SGCZ: variants seen among roughly 807,000 people sequenced by gnomAD.
SGCZ encodes the protein zeta-sarcoglycan.
In SGCZ, 40 loss-of-function variants were observed where a neutral mutation model predicts 41.3. That is an observed-to-expected ratio of 0.97 (90% CI 0.75 to 1.26). The LOEUF (loss-of-function observed/expected upper bound fraction) is 1.26. Among genes scored for constraint, SGCZ ranks in the 50% most tolerant of loss-of-function variants. The pLI, the probability that SGCZ is intolerant of heterozygous loss-of-function variation, is 0.00. For synonymous variants in SGCZ, 206 were observed against 137.5 expected, an observed-to-expected ratio of 1.50 and a Z score of -3.49; for missense variants, 552 against 369.8, an observed-to-expected ratio of 1.49 and a Z score of -4.04.
At chr8:14,180,325 C>T (rs10441664) in intron 4 of SGCZ, among the ~76,000 whole-genome samples, 35,813 of 152,028 alleles carry the variant, frequency 0.24, 5,995 homozygotes, top group African/African-American at 0.47. Flanking sequence ...ACTAGTCCTT[C>T]AAGCACTGCA....
At chr8:14,274,827 T>C (rs972690776) in intron 3 of SGCZ, among the ~76,000 whole-genome samples, 3 of 151,972 alleles carry the variant, frequency 2.0e-5, no homozygotes, top group South Asian at 2.1e-4. Flanking sequence ...ATAATATAGG[T>C]CTCATAATAA....
intron 5 of SGCZ, among the ~76,000 whole-genome samples, chr8:14,131,182 A>G (rs1803029644): frequency 6.6e-6 from 1 of 152,136 alleles, no homozygotes; most frequent in Admixed American, 6.5e-5. Flanking sequence ...CTCTAGTATT[A>G]ACCCAGACAA....
intron 1 of SGCZ, among the ~76,000 whole-genome samples, chr8:14,624,818 G>A (rs565504906): frequency 6.6e-5 from 10 of 151,604 alleles, no homozygotes; most frequent in South Asian, 2.1e-4. Context: ...AGATCCACCC[G>A]CCATAGCCTC....
chr8:14,374,985 G>A (rs1804059607), intron 2 of SGCZ, among the ~76,000 whole-genome samples: 1 of 152,138 alleles, frequency 6.6e-6, no homozygotes, highest in African/African-American at 2.4e-5. Flanking sequence ...TTCAGGTTTT[G>A]GCAATGGGAC....
chr8:14,149,434 A>G (rs1020218550), intron 5 of SGCZ, among the ~76,000 whole-genome samples: 2 of 152,138 alleles, frequency 1.3e-5, no homozygotes, highest in Admixed American at 6.5e-5. Context: ...AATAGCACAC[A>G]TAAAATTAAT....
chr8:15,227,996 A>G (rs1233939814), intron 1 of SGCZ, among the ~76,000 whole-genome samples: 2 of 152,246 alleles, frequency 1.3e-5, no homozygotes, highest in Non-Finnish European at 2.9e-5. Flanking sequence ...CTTAAATCGT[A>G]TCTTTCCAGA....
chr8:14,124,064 G>A (rs770857685), intron 5 of SGCZ, among the ~76,000 whole-genome samples: 6 of 152,134 alleles, frequency 3.9e-5, no homozygotes, highest in African/African-American at 9.7e-5. Flanking sequence ...TCAGAAGGGA[G>A]CTCAGACCAG....
At chr8:14,613,571 C>T (rs1290682624) in intron 1 of SGCZ, among the ~76,000 whole-genome samples, 1 of 152,110 alleles carries the variant, frequency 6.6e-6, no homozygotes, top group African/African-American at 2.4e-5. Context: ...TTCTTTCTTC[C>T]TATGCTCAAT....
At chr8:14,911,622 A>T (rs896427289) in intron 1 of SGCZ, among the ~76,000 whole-genome samples, 6 of 152,014 alleles carry the variant, frequency 3.9e-5, no homozygotes, top group African/African-American at 1.4e-4. Context: ...CCCATAATAA[A>T]ATCTGGCTGC....
intron 5 of SGCZ, among the ~76,000 whole-genome samples, chr8:14,150,294 T>A (rs1379403673): frequency 6.6e-6 from 1 of 152,100 alleles, no homozygotes; most frequent in Non-Finnish European, 1.5e-5. Flanking sequence ...GACAAGGGAT[T>A]AATAACCAGA....
intron 2 of SGCZ, among the ~76,000 whole-genome samples, chr8:14,347,643 CAT>C (rs1297531279): frequency 9.3e-5 from 14 of 151,010 alleles, no homozygotes; most frequent in South Asian, 4.2e-4. Flanking sequence ...TACATATACA[CAT>C]AGGTAAATCT....
At chr8:14,137,671 G>A (rs1411630082) in intron 5 of SGCZ, among the ~76,000 whole-genome samples, 1 of 152,162 alleles carries the variant, frequency 6.6e-6, no homozygotes, top group African/African-American at 2.4e-5. Flanking sequence ...CAAGAAATAT[G>A]GGACTTTGTG....
At chr8:14,935,827 C>T (rs897697797) in intron 1 of SGCZ, among the ~76,000 whole-genome samples, 4 of 151,522 alleles carry the variant, frequency 2.6e-5, no homozygotes, top group East Asian at 1.9e-4. Flanking sequence ...CAGCAAAATA[C>T]ATATAAAGGG....
intron 1 of SGCZ, among the ~76,000 whole-genome samples, chr8:14,738,900 C>A (rs1799122839): frequency 6.6e-6 from 1 of 151,902 alleles, no homozygotes; most frequent in East Asian, 1.9e-4. Context: ...ATAAGAGACT[C>A]CCCCAGGTAG....
intron 5 of SGCZ, among the ~76,000 whole-genome samples, chr8:14,160,658 A>G (rs1477373448): frequency 1.3e-5 from 2 of 152,240 alleles, no homozygotes; most frequent in Middle Eastern, 3.4e-3. Flanking sequence ...TAAGCATGTG[A>G]TTGCTCTTTA....
chr8:14,912,655 A>G (rs748738269), intron 1 of SGCZ, among the ~76,000 whole-genome samples: 3 of 152,098 alleles, frequency 2.0e-5, no homozygotes, highest in Non-Finnish European at 2.9e-5. Context: ...CAAAACTCTG[A>G]AAGTCACCAT....
chr8:14,792,730 T>G (rs945800388), intron 1 of SGCZ, among the ~76,000 whole-genome samples: 1 of 151,964 alleles, frequency 6.6e-6, no homozygotes, highest in Non-Finnish European at 1.5e-5. Flanking sequence ...CAATACCCCC[T>G]TTCTCTTTAA....
chr8:15,080,961 G>A (rs1805726141), intron 1 of SGCZ, among the ~76,000 whole-genome samples: 1 of 152,042 alleles, frequency 6.6e-6, no homozygotes. Flanking sequence ...ACCACGTGAA[G>A]ACACAGGGAG....
intron 4 of SGCZ, among the ~76,000 whole-genome samples, chr8:14,183,009 C>T (rs1332837134): frequency 3.4e-5 from 1 of 29,454 alleles, no homozygotes; most frequent in African/African-American, 1.2e-4. Flanking sequence ...AAAACTCCGT[C>T]TCAAAAAAAA....
Sources: gnomAD v4.1 joint callset for allele counts (sites outside exome capture counted in the v4.1 genomes callset) on GRCh38, gnomAD v4.1.1 for gene constraint, MANE v1.5 for transcripts, NCBI Gene and HGNC (gene_info 2026-07-23, HGNC 2026-07-21) for gene names.